LNX2: variants seen among roughly 807,000 people sequenced by gnomAD.
LNX2 encodes the protein ligand of Numb protein X 2.
In LNX2, 35 loss-of-function variants were observed where a neutral mutation model predicts 66.2. That is an observed-to-expected ratio of 0.53 (90% CI 0.40 to 0.70). The LOEUF (loss-of-function observed/expected upper bound fraction) is 0.70, where lower values mean the gene tolerates loss of function less well. Ranked by LOEUF, LNX2 falls within the 30% of genes least tolerant of loss-of-function variation. The pLI, the probability that LNX2 is intolerant of heterozygous loss-of-function variation, is 0.00. For synonymous variants in LNX2, 337 were observed against 315.6 expected, an observed-to-expected ratio of 1.07 and a Z score of -0.72; for missense variants, 791 against 850.8, an observed-to-expected ratio of 0.93 and a Z score of 0.87.
At position 27,562,682 on chromosome 13, in the gene LNX2, G is replaced by A. The variant is rs758577394; in HGVS notation, c.955C>T (p.Arg319Cys). The A allele has an allele frequency of 5.0e-6, 8 of 1,614,062 alleles. No individual in the cohort carries two copies. The highest frequency in any genetic ancestry group is 2.2e-5 in the East Asian group (1 of 44,892). The change falls in exon 5 of 10, where the codon CGC becomes TGC. Residue 319 changes from arginine (R) to cysteine (C), a missense_variant. Physicochemically the swap from Arg to Cys is radical, Grantham distance 180. Coordinates refer to ENST00000316334, the MANE Select transcript of LNX2 (RefSeq NM_153371.4). ...TGGTTGTGTGCTCGGTTGCCAAAGC[G>A]CCTCTCTCGAAGCACAGTAAGATGC... ...TLHLTVLRER[R>C]FGNRAHNHSD... is the part of the protein sequence containing the mutation.
At chr13:27,591,666 G>A (rs1955547616) in intron 1 of LNX2, among the ~76,000 whole-genome samples, 1 of 152,190 alleles carries the variant, frequency 6.6e-6, no homozygotes, top group South Asian at 2.1e-4. Context: ...CTGTTCCAGG[G>A]TTAGGAGTTG....
At chr13:27,583,207 T>TGCGCGCGCGCGCGCGCGC (rs1566124662) in intron 1 of LNX2, among the ~76,000 whole-genome samples, 1 of 24,300 alleles carries the variant, frequency 4.1e-5, no homozygotes, top group African/African-American at 1.9e-4. Context: ...TGTGTGTGTG[T>TGCGCGCGCGCGCGCGCGC]GTGTGTGTGT....
At chr13:27,586,349 G>A (rs1955487013) in intron 1 of LNX2, among the ~76,000 whole-genome samples, 1 of 152,162 alleles carries the variant, frequency 6.6e-6, no homozygotes, top group South Asian at 2.1e-4. Flanking sequence ...TTTAGAGTAT[G>A]AGTTTTGGAA....
At position 27,613,636 on chromosome 13, in the gene LNX2, C is replaced by T. The variant is rs145247610; in HGVS notation, c.-101+6739G>A. ...TACAAAAATTATCTGGGTGTGGTGG[C>T]GGGTGCTTGTAATCCCAGCTATTGG... On this transcript the variant is annotated intron_variant, in intron 1 of 9. Coordinates refer to ENST00000316334, the MANE Select transcript of LNX2 (RefSeq NM_153371.4). Among the ~76,000 whole-genome samples the T allele has an allele frequency of 7.3e-3, 1,113 of 151,980 alleles. 6 individuals are homozygous for T. Among genetic ancestry groups the T allele is most frequent in the Middle Eastern group, 0.017 (5 of 294 alleles).
At chr13:27,568,156 G>A (rs1407239709) in intron 3 of LNX2, among the ~76,000 whole-genome samples, 4 of 152,110 alleles carry the variant, frequency 2.6e-5, no homozygotes, top group African/African-American at 9.7e-5. Flanking sequence ...TTTGGACCAC[G>A]AAACAACTGT....
At chr13:27,553,943 C>G (rs146654462) in intron 7 of LNX2, among the ~76,000 whole-genome samples, 1 of 152,114 alleles carries the variant, frequency 6.6e-6, no homozygotes, top group East Asian at 1.9e-4. Flanking sequence ...ATCCCTGGGC[C>G]CACATGAAGA....
At chr13:27,552,933 C>CT (rs1449814393) in intron 8 of LNX2, among the ~76,000 whole-genome samples, 1 of 152,204 alleles carries the variant, frequency 6.6e-6, no homozygotes, top group African/African-American at 2.4e-5. Context: ...TAAACGACAA[C>CT]TTTTCTAAGC....
intron 1 of LNX2, among the ~76,000 whole-genome samples, chr13:27,610,569 A>C (rs1403462558): frequency 6.6e-6 from 1 of 152,210 alleles, no homozygotes; most frequent in Admixed American, 6.5e-5. Context: ...ACATATTGGA[A>C]ACACTTCATG....
intron 1 of LNX2, among the ~76,000 whole-genome samples, chr13:27,587,753 G>A (rs956415226): frequency 6.6e-6 from 1 of 151,936 alleles, no homozygotes; most frequent in East Asian, 2.0e-4. Context: ...CAGGCGCGGT[G>A]GCTCACGCCT....
intron 2 of LNX2, among the ~76,000 whole-genome samples, chr13:27,573,506 G>A (rs1395208204): frequency 6.6e-6 from 1 of 151,862 alleles, no homozygotes; most frequent in Non-Finnish European, 1.5e-5. Context: ...ACAAATACAA[G>A]GCTAACCAGA....
chr13:27,593,748 GT>G (rs1346333987), intron 1 of LNX2, among the ~76,000 whole-genome samples: 3 of 146,974 alleles, frequency 2.0e-5, no homozygotes, highest in African/African-American at 7.5e-5. Context: ...GTGTGTGTGT[GT>G]GTGTGTTCTT....
At chr13:27,613,634 G>A (rs1277644721) in intron 1 of LNX2, among the ~76,000 whole-genome samples, 2 of 152,108 alleles carry the variant, frequency 1.3e-5, no homozygotes, top group African/African-American at 4.8e-5. Context: ...TGGGTGTGGT[G>A]GCGGGTGCTT....
chr13:27,560,269 T>C (rs1287500898), intron 5 of LNX2, among the ~76,000 whole-genome samples: 4 of 152,174 alleles, frequency 2.6e-5, no homozygotes, highest in Admixed American at 6.5e-5. Flanking sequence ...TGGGCTCTTA[T>C]TGCCCCATGA....
chr13:27,560,380 G>C (rs1424936208), intron 5 of LNX2, among the ~76,000 whole-genome samples: 1 of 152,042 alleles, frequency 6.6e-6, no homozygotes, highest in Non-Finnish European at 1.5e-5. Flanking sequence ...TTCAAAACTT[G>C]ATTAAAGTCC....
intron 1 of LNX2, among the ~76,000 whole-genome samples, chr13:27,593,910 A>G (rs969641072): frequency 1.3e-4 from 19 of 151,930 alleles, no homozygotes; most frequent in Admixed American, 6.6e-4. Context: ...GGCTGAAATT[A>G]TACCATTCTT....
chr13:27,558,599 T>C (rs1318272281), intron 6 of LNX2, among the ~76,000 whole-genome samples: 1 of 152,098 alleles, frequency 6.6e-6, no homozygotes, highest in African/African-American at 2.4e-5. Context: ...ATTATAGTTT[T>C]ATATGTATAA....
At chr13:27,571,002 T>C (rs934314302) in intron 2 of LNX2, among the ~76,000 whole-genome samples, 7 of 152,220 alleles carry the variant, frequency 4.6e-5, no homozygotes, top group African/African-American at 1.4e-4. Flanking sequence ...GTAACAAGTA[T>C]ACTTACAGTC....
intron 1 of LNX2, among the ~76,000 whole-genome samples, chr13:27,619,241 T>C (rs1955863514): frequency 7.5e-6 from 1 of 133,824 alleles, no homozygotes; most frequent in Admixed American, 7.2e-5. Context: ...AAAACTTTGT[T>C]ATTCATGGCT....
chr13:27,569,453 G>A (rs56042223), intron 2 of LNX2, among the ~76,000 whole-genome samples, 177 bp from the exon 3 acceptor site: 6,681 of 152,200 alleles, frequency 0.044, 206 homozygotes, highest in Non-Finnish European at 0.067. Flanking sequence ...GCTCCATAGA[G>A]CAGATAATCA....
Sources: gnomAD v4.1 joint callset for allele counts (sites outside exome capture counted in the v4.1 genomes callset) on GRCh38, gnomAD v4.1.1 for gene constraint, MANE v1.5 for transcripts, NCBI Gene and HGNC (gene_info 2026-07-23, HGNC 2026-07-21) for gene names.